LARGE1: variants seen among roughly 807,000 people sequenced by gnomAD.
The protein encoded by LARGE1 is xylosyl- and glucuronyltransferase LARGE1.
A neutral mutation model predicts 87.6 loss-of-function variants in LARGE1; 43 were observed. The ratio of observed to expected loss-of-function variants is 0.49; its 90% CI spans 0.38 to 0.63. LARGE1 has a LOEUF of 0.63. Among genes scored for constraint, LARGE1 ranks in the 30% least tolerant of loss-of-function variants. The pLI, the probability that LARGE1 is intolerant of heterozygous loss-of-function variation, is 0.00. For missense variants in LARGE1, 802 were observed against 1,000.2 expected (o/e 0.80, Z 2.67); for synonymous variants, 434 against 394.6 (o/e 1.10, Z -1.18).
chr22:33,808,613 C>T (rs1290307415), intron 1 of LARGE1, among the ~76,000 whole-genome samples: 1 of 152,228 alleles, frequency 6.6e-6, no homozygotes, highest in Admixed American at 6.5e-5. Context: ...AAGAATAAAG[C>T]CCCGTATTCC....
intron 6 of LARGE1, among the ~76,000 whole-genome samples, chr22:33,508,165 C>A (rs1406426322): frequency 6.6e-6 from 1 of 152,164 alleles, no homozygotes; most frequent in African/African-American, 2.4e-5. Context: ...GAATCTACAC[C>A]GAACAACAGA....
At chr22:33,174,054 C>A (rs1206208409) in intron 11 of LARGE1, among the ~76,000 whole-genome samples, 1 of 152,194 alleles carries the variant, frequency 6.6e-6, no homozygotes, top group Non-Finnish European at 1.5e-5. Context: ...CTCAGCACCA[C>A]AATGCACTTA....
At chr22:33,465,051 A>G (rs78425400) in intron 6 of LARGE1, among the ~76,000 whole-genome samples, 2,629 of 152,320 alleles carry the variant, frequency 0.017, 84 homozygotes, top group African/African-American at 0.06. Flanking sequence ...ATAGCCAAAA[A>G]TGGCAAACAT....
At chr22:33,267,972 T>TA (rs1156676182), downstream of LARGE1, among the ~76,000 whole-genome samples, 4 of 151,466 alleles carry the variant, frequency 2.6e-5, no homozygotes, top group Admixed American at 2.6e-4. Flanking sequence ...TTTTTTTTTT[T>TA]TGAGACGGGG....
At chr22:33,547,779 G>A (rs938790219) in intron 6 of LARGE1, among the ~76,000 whole-genome samples, 1 of 107,228 alleles carries the variant, frequency 9.3e-6, no homozygotes, top group Non-Finnish European at 1.7e-5. Context: ...GGACGACAGA[G>A]TGAGACTCCA....
intron 7 of LARGE1, among the ~76,000 whole-genome samples, chr22:33,415,425 C>G (rs560030573): frequency 2.0e-5 from 3 of 152,272 alleles, no homozygotes; most frequent in East Asian, 3.9e-4. Context: ...ATCCTGGAAG[C>G]CTTACATTGC....
At chr22:33,201,757 T>C (rs1924407368) in intron 11 of LARGE1, among the ~76,000 whole-genome samples, 1 of 152,210 alleles carries the variant, frequency 6.6e-6, no homozygotes, top group South Asian at 2.1e-4. Flanking sequence ...TAGGTCATCA[T>C]CAGAACTTAA....
At chr22:33,729,471 C>T (rs1416052160) in intron 2 of LARGE1, among the ~76,000 whole-genome samples, 1 of 152,218 alleles carries the variant, frequency 6.6e-6, no homozygotes, top group Non-Finnish European at 1.5e-5. Flanking sequence ...ATCAAATTTA[C>T]TTGCTGTGCT....
chr22:33,897,413 C>G (rs755919674), intron 1 of LARGE1, among the ~76,000 whole-genome samples: 12 of 152,134 alleles, frequency 7.9e-5, no homozygotes, highest in Non-Finnish European at 1.5e-4. Flanking sequence ...TAAGGGGTTC[C>G]TTCCTGTGGT....
chr22:33,122,707 G>A, the LARGE1 span, among the ~76,000 whole-genome samples: 1 of 152,152 alleles, frequency 6.6e-6, no homozygotes, highest in Non-Finnish European at 1.5e-5. Context: ...ATATTGGCAT[G>A]TCATGCCACC....
chr22:33,623,618 C>T (rs941013728), intron 4 of LARGE1, among the ~76,000 whole-genome samples: 1 of 151,230 alleles, frequency 6.6e-6, no homozygotes, highest in African/African-American at 2.4e-5. Flanking sequence ...TACAGGTCAG[C>T]CCAGTAGAAA....
intron 11 of LARGE1, among the ~76,000 whole-genome samples, chr22:33,207,481 C>G (rs1006872389): frequency 1.3e-5 from 2 of 152,114 alleles, no homozygotes; most frequent in African/African-American, 4.8e-5. Context: ...CCAGGTAATA[C>G]TTTCCAAAAT....
chr22:33,915,562 T>A (rs1031205904), intron 1 of LARGE1, among the ~76,000 whole-genome samples: 8 of 152,220 alleles, frequency 5.3e-5, no homozygotes, highest in Non-Finnish European at 1.0e-4. Context: ...TAAGGGACCC[T>A]TTCTTTATTT....
intron 10 of LARGE1, among the ~76,000 whole-genome samples, chr22:33,317,383 AAAAAC>A (rs1236169263): frequency 6.6e-6 from 1 of 152,228 alleles, no homozygotes; most frequent in African/African-American, 2.4e-5. Flanking sequence ...GGTCTCGGAA[AAAAAC>A]AAAACAAAAC....
At chr22:33,632,298 A>G (rs2080135319) in intron 3 of LARGE1, among the ~76,000 whole-genome samples, 1 of 152,070 alleles carries the variant, frequency 6.6e-6, no homozygotes, top group South Asian at 2.1e-4. Context: ...TAATATTTGT[A>G]TTTTTAGTAG....
At chr22:33,755,088 C>T (rs1301989480) in intron 2 of LARGE1, among the ~76,000 whole-genome samples, 34 of 152,328 alleles carry the variant, frequency 2.2e-4, no homozygotes, top group Non-Finnish European at 1.9e-4. Flanking sequence ...CTCTCACTGC[C>T]AGTCTTCAAA....
At chr22:33,089,212 C>T in the LARGE1 span, among the ~76,000 whole-genome samples, 1 of 152,244 alleles carries the variant, frequency 6.6e-6, no homozygotes, top group Non-Finnish European at 1.5e-5. Flanking sequence ...ATCCACCTCA[C>T]AGCTGAATTC....
intron 7 of LARGE1, among the ~76,000 whole-genome samples, chr22:33,416,300 C>T (rs2066481397): frequency 6.6e-6 from 1 of 152,192 alleles, no homozygotes; most frequent in South Asian, 2.1e-4. Context: ...CAAGTATTTT[C>T]ACACCTTCCA....
intron 5 of LARGE1, among the ~76,000 whole-genome samples, chr22:33,600,523 G>A (rs1328321348): frequency 1.3e-5 from 2 of 152,154 alleles, no homozygotes; most frequent in Non-Finnish European, 2.9e-5. Context: ...GATAAAGACA[G>A]GGAAAGTTTC....
Sources: allele counts gnomAD v4.1 joint callset (sites outside exome capture counted in the v4.1 genomes callset), GRCh38; gene constraint gnomAD v4.1.1; transcripts MANE v1.5; gene names NCBI Gene and HGNC (gene_info 2026-07-23, HGNC 2026-07-21).